ZFYVE16: variants seen among roughly 807,000 people sequenced by gnomAD.
ZFYVE16 encodes the protein zinc finger FYVE-type containing 16.
Under a neutral mutation model 138.1 loss-of-function variants are expected in ZFYVE16, and 89 were observed. That is an observed-to-expected ratio of 0.64 (90% CI 0.54 to 0.77). The LOEUF (loss-of-function observed/expected upper bound fraction) is 0.77. ZFYVE16 is among the 30% of genes least tolerant of loss of function. The pLI is 0.00. For synonymous variants in ZFYVE16, 596 were observed against 618.3 expected (o/e 0.96, Z 0.53); for missense variants, 1,793 against 1,786.7 (o/e 1.00, Z -0.06).
intron 15 of ZFYVE16, among the ~76,000 whole-genome samples, chr5:80,470,742 C>G (rs578015365): frequency 6.6e-6 from 1 of 152,008 alleles, no homozygotes; most frequent in Non-Finnish European, 1.5e-5. Flanking sequence ...AACTCCTGGC[C>G]TTAAGATATC....
chr5:80,434,057 T>A (rs1749515515), intron 2 of ZFYVE16, 52 bp from the exon 3 acceptor site: 1 of 1,256,498 alleles, frequency 8.0e-7, no homozygotes, highest in South Asian at 1.4e-5. Flanking sequence ...ATACATGGCA[T>A]AAAATTTGTT....
chr5:80,439,023 C>A lies in ZFYVE16; in HGVS notation c.2322+16C>A. ...ATGTGGGAAAGTAAGTTATAAAAAT[C>A]TTTTAAGTCTTTTGTTCTTTTGAGA... On this transcript the variant is annotated intron_variant, in intron 4 of 18. Transcript: ENST00000505560. 6.3e-7 allele frequency: 1 copy of A among 1,585,230 alleles called. No homozygotes were observed. The highest frequency in any genetic ancestry group is 1.1e-5 in the South Asian group (1 of 87,014).
At chr5:80,417,026 A>G (rs553672167) in intron 1 of ZFYVE16, among the ~76,000 whole-genome samples, 1 of 152,182 alleles carries the variant, frequency 6.6e-6, no homozygotes, top group South Asian at 2.1e-4. Context: ...GTTCAAATCC[A>G]TTACCATATA....
In ZFYVE16 at chr5:80,449,609, A is replaced by T. The variant is rs770688248; in HGVS notation, c.3122A>T (p.His1041Leu). ...EKGSVPVVEE[H>L]PSHEQIILLL... is the part of the protein sequence containing the mutation. ...CATTTAGTGCCTGTAGTAGAAGAACATCCATCTCATGAGCAGATCATTTTG... is the reference window on the plus strand; with the variant it reads ...CATTTAGTGCCTGTAGTAGAAGAACTTCCATCTCATGAGCAGATCATTTTG... The change falls in exon 9 of 19, where the codon CAT (histidine) becomes CTT (leucine). Residue 1041 changes from histidine to leucine, a missense_variant. Physicochemically the swap from His to Leu is moderately conservative, Grantham distance 99. Around this residue, in one of 2 missense-constraint regions of ZFYVE16, gnomAD observed 1,295 missense variants for 1,204.3 expected, o/e 1.08. Transcript: ENST00000505560. 1.9e-6 allele frequency: 3 copies of T among 1,609,330 alleles called. No homozygotes were observed. The highest frequency in any genetic ancestry group is 2.2e-5 in the East Asian group (1 of 44,470).
intron 1 of ZFYVE16, among the ~76,000 whole-genome samples, chr5:80,422,936 T>G (rs1206771456): frequency 6.6e-6 from 1 of 152,226 alleles, no homozygotes; most frequent in East Asian, 1.9e-4. Flanking sequence ...CACCATTTTC[T>G]TGAGCATTTT....
chr5:80,416,823 G>T (rs1746327952), intron 1 of ZFYVE16, among the ~76,000 whole-genome samples: 2 of 152,126 alleles, frequency 1.3e-5, no homozygotes, highest in African/African-American at 2.4e-5. Context: ...TAGAAACCAA[G>T]ATCTGGGTGC....
At chr5:80,413,488 A>G (rs79227774) in intron 1 of ZFYVE16, among the ~76,000 whole-genome samples, 3 of 146,226 alleles carry the variant, frequency 2.1e-5, no homozygotes, top group Admixed American at 2.0e-4. Context: ...AAAAAAAAGA[A>G]AAAAAAAAGA....
At chr5:80,466,586 T>C (rs1418572626) in intron 15 of ZFYVE16, among the ~76,000 whole-genome samples, 3 of 152,354 alleles carry the variant, frequency 2.0e-5, no homozygotes, top group African/African-American at 7.2e-5. Flanking sequence ...GTAAGTGTAA[T>C]GTCTTTGTTT....
chr5:80,430,624 C>T (rs1481246954), intron 2 of ZFYVE16, among the ~76,000 whole-genome samples: 2 of 151,946 alleles, frequency 1.3e-5, no homozygotes, highest in Non-Finnish European at 2.9e-5. Flanking sequence ...CACAAAAAAC[C>T]CTTCAAAAAA....
At chr5:80,442,234 G>A (rs1561285011) in intron 5 of ZFYVE16, among the ~76,000 whole-genome samples, 1 of 152,048 alleles carries the variant, frequency 6.6e-6, no homozygotes, top group African/African-American at 2.4e-5. Flanking sequence ...CTCCCTAGTA[G>A]TTGGGACCAC....
intron 8 of ZFYVE16, among the ~76,000 whole-genome samples, chr5:80,448,887 A>G (rs1162404665): frequency 6.6e-6 from 1 of 152,076 alleles, no homozygotes; most frequent in African/African-American, 2.4e-5. Context: ...CTTTTCAAGC[A>G]GGAGATTCTA....
At chr5:80,420,247 T>C (rs1746926665) in intron 1 of ZFYVE16, among the ~76,000 whole-genome samples, 1 of 151,976 alleles carries the variant, frequency 6.6e-6, no homozygotes, top group African/African-American at 2.4e-5. Flanking sequence ...ACTGGGATTA[T>C]AGGCGTGTAC....
At position 80,432,193 on chromosome 5, in the gene ZFYVE16, G is replaced by A. The variant is rs538466080; in HGVS notation, c.-39-1916G>A. Reference sequence around the variant, plus strand: ...TACCTGACTTCAAACTATACTACAAGGCTACAGTAACCAAAACAGCATGGT... The same window carrying A: ...TACCTGACTTCAAACTATACTACAAAGCTACAGTAACCAAAACAGCATGGT... On this transcript the variant is annotated intron_variant, in intron 2 of 18. Coordinates refer to ENST00000505560, the MANE Select transcript of ZFYVE16 (RefSeq NM_001284236.3). 3.9e-5 allele frequency among the ~76,000 whole-genome samples: 6 copies of A among 152,204 alleles called. No homozygotes were observed. In the East Asian group the frequency reaches 1.2e-3, roughly 29 times the overall value.
chr5:80,480,248 C>T lies in ZFYVE16; in HGVS notation c.*2871C>T, dbSNP rs16876343. 1.7e-3 allele frequency among the ~76,000 whole-genome samples: 257 copies of T among 152,054 alleles called. 1 individual carries two copies. The East Asian group carries it at 0.027, about 16-fold the overall frequency. ...TACTTGCAGGAAATGGGAAACTATA[C>T]GATAAAAAGTTGTGGAGCTAATCTG... On this transcript the variant is annotated 3_prime_UTR_variant, in exon 19 of 19. Transcript: ENST00000505560.
chr5:80,428,371 T>G (rs921264189), intron 2 of ZFYVE16, among the ~76,000 whole-genome samples: 1 of 152,028 alleles, frequency 6.6e-6, no homozygotes, highest in Non-Finnish European at 1.5e-5. Context: ...TCCAGCAAAC[T>G]CCAACAGACC....
At chr5:80,416,224 C>CTATGTA (rs1242610309) in intron 1 of ZFYVE16, among the ~76,000 whole-genome samples, 1 of 144,208 alleles carries the variant, frequency 6.9e-6, no homozygotes, top group Non-Finnish European at 1.5e-5. Context: ...CAATCATTTA[C>CTATGTA]TTACGTCAGT....
In ZFYVE16 at chr5:80,435,250, G is replaced by A. The variant is rs183195767; in HGVS notation, c.70+1033G>A. Among the ~76,000 whole-genome samples, 1,389 of 152,130 alleles carry A rather than the reference G, an allele frequency of 9.1e-3. 27 individuals are homozygous for A. Among genetic ancestry groups the A allele is most frequent in the African/African-American group, 0.032 (1,322 of 41,510 alleles). On this transcript the variant is annotated intron_variant, in intron 3 of 18. Coordinates refer to ENST00000505560, the MANE Select transcript of ZFYVE16 (RefSeq NM_001284236.3). ...GGGTTTCACCATATTGGCTAGGCTG[G>A]TCTCGAACTCCTGGCCTTGTGATCC...
chr5:80,450,305 T>C (rs1751847104), intron 9 of ZFYVE16, 126 bp from the exon 10 acceptor site: 1 of 875,560 alleles, frequency 1.1e-6, no homozygotes, highest in Non-Finnish European at 1.7e-6. Flanking sequence ...CAATTTAAGG[T>C]TTTCATAAGG....
chr5:80,469,537 C>T (rs1418803358), intron 15 of ZFYVE16, among the ~76,000 whole-genome samples: 1 of 152,180 alleles, frequency 6.6e-6, no homozygotes, highest in Admixed American at 6.5e-5. Flanking sequence ...AGCCACTGCT[C>T]CTGGCATCAG....
Sources: gnomAD v4.1 joint callset for allele counts (sites outside exome capture counted in the v4.1 genomes callset) on GRCh38, gnomAD v4.1.1 for gene constraint, gnomAD v4.1.1 regional missense constraint, MANE v1.5 for transcripts, NCBI Gene and HGNC (gene_info 2026-07-23, HGNC 2026-07-21) for gene names.